The following TUSC3 variants were observed in gnomAD, a reference collection of about 807,000 sequenced individuals.
The protein encoded by TUSC3 is tumor suppressor candidate 3.
Under a neutral mutation model 44.8 loss-of-function variants are expected in TUSC3, and 45 were observed. The observed-to-expected ratio is 1.00, with a 90% CI of 0.79 to 1.29. TUSC3 has a LOEUF of 1.29. TUSC3 is among the 50% of genes most tolerant of loss of function. TUSC3 has a pLI of 0.00. For synonymous variants in TUSC3, 212 were observed against 152.9 expected (o/e 1.39, Z -2.85); for missense variants, 519 against 437.9 (o/e 1.19, Z -1.65).
At chr8:15,682,719 G>C (rs1808475004) in intron 6 of TUSC3, among the ~76,000 whole-genome samples, 1 of 151,868 alleles carries the variant, frequency 6.6e-6, no homozygotes, top group South Asian at 2.1e-4. Flanking sequence ...ATTCTTGATT[G>C]TGTACTTGCT....
chr8:15,432,501 C>G (rs10283322), intron 1 of TUSC3, among the ~76,000 whole-genome samples: 25,059 of 152,026 alleles, frequency 0.16, 2,119 homozygotes, highest in Middle Eastern at 0.23. Context: ...TCTGCCAAGT[C>G]TGGTTCTGAT....
chr8:15,670,569 A>G (rs1807903463), intron 5 of TUSC3, among the ~76,000 whole-genome samples: 1 of 151,924 alleles, frequency 6.6e-6, no homozygotes. Context: ...TAAAATGCGA[A>G]CATTAGCACT....
At chr8:15,423,090 G>GT (rs1318587262) in intron 1 of TUSC3, among the ~76,000 whole-genome samples, 3 of 151,964 alleles carry the variant, frequency 2.0e-5, no homozygotes, top group South Asian at 2.1e-4. Context: ...AATGTTAAAA[G>GT]TTTTTTTTAA....
intron 8 of TUSC3, among the ~76,000 whole-genome samples, chr8:15,747,201 A>ATATATTGGAAAAAATT (rs1323624379): frequency 2.6e-5 from 4 of 152,080 alleles, no homozygotes; most frequent in African/African-American, 9.6e-5. Context: ...GGTTTGGTTT[A>ATATATTGGAAAAAATT]TATATTGGAA....
intron 1 of TUSC3, among the ~76,000 whole-genome samples, chr8:15,578,697 T>C (rs568916116): frequency 0.01 from 1,556 of 152,196 alleles, 15 homozygotes; most frequent in Non-Finnish European, 0.015. Context: ...CTTTTTGAAG[T>C]GCTGCTGGAT....
chr8:15,422,893 T>C (rs1373992102), intron 1 of TUSC3, among the ~76,000 whole-genome samples: 1 of 152,120 alleles, frequency 6.6e-6, no homozygotes, highest in East Asian at 1.9e-4. Flanking sequence ...TCCACCCAAC[T>C]CGGCCTCCCA....
At chr8:15,424,767 C>G (rs1799783351) in intron 1 of TUSC3, among the ~76,000 whole-genome samples, 1 of 151,912 alleles carries the variant, frequency 6.6e-6, no homozygotes, top group African/African-American at 2.4e-5. Flanking sequence ...GTGGGCCCGG[C>G]TACTTGGGAG....
At chr8:15,544,690 G>T (rs554108468) in intron 1 of TUSC3, among the ~76,000 whole-genome samples, 26 of 151,668 alleles carry the variant, frequency 1.7e-4, no homozygotes, top group Non-Finnish European at 2.9e-4. Context: ...AGAGGAGGGA[G>T]GTAAGCAATG....
At position 15,651,056 on chromosome 8, in the gene TUSC3, A is replaced by G. The variant is rs930568638; in HGVS notation, c.426+242A>G. 1.7e-4 allele frequency: 77 copies of G among 465,760 alleles called. No individual in the cohort carries two copies. Among genetic ancestry groups the G allele is most frequent in the Middle Eastern group, 6.2e-4 (1 of 1,614 alleles). The allele number at this position is 465,760 out of a possible 1,614,324, so 28.9% of individuals were successfully genotyped here. A position where few individuals can be genotyped will look rare whatever the true frequency, so the allele number is the denominator to read the frequency against. ...TTCATTCAATAGGTTAGTAAATACA[A>G]TAAGTAGTTATAATACATTTTGTGA... On this transcript the variant is annotated intron_variant, in intron 3 of 10. Coordinates refer to ENST00000503731, the MANE Select transcript of TUSC3 (RefSeq NM_006765.4).
At chr8:15,780,566 T>C in the TUSC3 span, among the ~76,000 whole-genome samples, 132 of 152,346 alleles carry the variant, frequency 8.7e-4, 1 homozygote, top group Non-Finnish European at 1.6e-3. Context: ...CTTGCCAGCA[T>C]ACTCTGCCGC....
intron 1 of TUSC3, among the ~76,000 whole-genome samples, chr8:15,442,913 C>T (rs1039731466): frequency 3.9e-4 from 59 of 152,074 alleles, no homozygotes; most frequent in African/African-American, 1.4e-3. Context: ...TTCTCTCCCC[C>T]GACTCTTATT....
At chr8:15,760,188 T>C (rs546424967) in intron 10 of TUSC3, among the ~76,000 whole-genome samples, 97 of 152,188 alleles carry the variant, frequency 6.4e-4, no homozygotes, top group Non-Finnish European at 1.2e-3. Flanking sequence ...AGTTAATACA[T>C]GTTCCTTCTA....
chr8:15,518,029 T>A (rs1801245615), intron 2 of TUSC3, among the ~76,000 whole-genome samples: 1 of 151,968 alleles, frequency 6.6e-6, no homozygotes, highest in Non-Finnish European at 1.5e-5. Context: ...TACCTCCTCC[T>A]TACCCCTTTT....
At chr8:15,646,767 C>T (rs1398776925) in intron 2 of TUSC3, among the ~76,000 whole-genome samples, 9 of 151,992 alleles carry the variant, frequency 5.9e-5, no homozygotes, top group African/African-American at 2.2e-4. Flanking sequence ...AATGTTTCTG[C>T]TTTGTAATTT....
chr8:15,706,974 A>G (rs1809644286), intron 6 of TUSC3, among the ~76,000 whole-genome samples: 1 of 151,930 alleles, frequency 6.6e-6, no homozygotes, highest in Admixed American at 6.6e-5. Context: ...TGATCATTGA[A>G]TCATATTATA....
chr8:15,604,998 A>G (rs1204862252), intron 1 of TUSC3, among the ~76,000 whole-genome samples: 1 of 151,858 alleles, frequency 6.6e-6, no homozygotes, highest in African/African-American at 2.4e-5. Flanking sequence ...AACTCTGGTT[A>G]TTGTAGAGAA....
chr8:15,662,859 G>C (rs1798930585), intron 5 of TUSC3, among the ~76,000 whole-genome samples: 2 of 151,946 alleles, frequency 1.3e-5, no homozygotes, highest in Admixed American at 1.3e-4. Flanking sequence ...CTAACCTAGA[G>C]TAAAGGGAAT....
chr8:15,539,402 G>C (rs1032808782), upstream of TUSC3, among the ~76,000 whole-genome samples: 5 of 134,438 alleles, frequency 3.7e-5, no homozygotes, highest in African/African-American at 1.5e-4. Context: ...TCCCAGGCTG[G>C]AGTGCAGTGG....
At chr8:15,775,651 C>CATAT in the TUSC3 span, among the ~76,000 whole-genome samples, 42,280 of 144,786 alleles carry the variant, frequency 0.29, 6,578 homozygotes, top group Admixed American at 0.47. Context: ...TATATATATA[C>CATAT]ACACACATAT....
Sources: allele counts gnomAD v4.1 joint callset (sites outside exome capture counted in the v4.1 genomes callset), GRCh38; gene constraint gnomAD v4.1.1; transcripts MANE v1.5; gene names NCBI Gene and HGNC (gene_info 2026-07-23, HGNC 2026-07-21).